The following NUDC variants were observed in gnomAD, a reference collection of about 807,000 sequenced individuals.
The protein encoded by NUDC is nuclear distribution C, dynein complex regulator.
Under a neutral mutation model 45.0 loss-of-function variants are expected in NUDC, and 14 were observed. The observed-to-expected ratio is 0.31, with a 90% confidence interval of 0.21 to 0.49. NUDC has a LOEUF of 0.49. NUDC is among the 20% of genes least tolerant of loss of function. NUDC has a pLI of 0.99. For synonymous variants in NUDC, 153 were observed against 156.7 expected, an observed-to-expected ratio of 0.98 and a Z score of 0.17; for missense variants, 323 against 426.2, an observed-to-expected ratio of 0.76 and a Z score of 2.13.
chr1:26,920,823 A>C (rs2082086825), upstream of NUDC, among the ~76,000 whole-genome samples: 1 of 151,458 alleles, frequency 6.6e-6, no homozygotes, highest in Admixed American at 6.6e-5. Flanking sequence ...CTGTAGTCCC[A>C]GCTACTCTGG....
Position 26,945,696 on chromosome 1 carries a change from T to A in NUDC, c.944+10T>A, listed in dbSNP as rs867824899. 4 of 1,605,702 alleles carry A rather than the reference T, an allele frequency of 2.5e-6. No individual in the cohort carries two copies. Among genetic ancestry groups the A allele is most frequent in the Middle Eastern group, 1.8e-4 (1 of 5,690 alleles). ...AGGAGATTCTGAAGAAGTGAGCAAT[T>A]CAGAGACGGGGTTGGGGGACCGTGG... On this transcript the variant is annotated intron_variant, in intron 8 of 8. Transcript: ENST00000321265.
Position 26,921,776 on chromosome 1 carries a change from G to T in NUDC, c.-73G>T, listed in dbSNP as rs560634289. The T allele has an allele frequency of 1.3e-6, 2 of 1,491,174 alleles. No homozygotes were observed. Among genetic ancestry groups the T allele is most frequent in the African/African-American group, 1.4e-5 (1 of 71,782 alleles). The allele number at this position is 1,491,174 out of a possible 1,614,324, so 92.4% of individuals were successfully genotyped here. A position where few individuals can be genotyped will look rare whatever the true frequency, so the allele number is the denominator to read the frequency against. On this transcript the variant is annotated 5_prime_UTR_variant, in exon 1 of 9. Transcript: ENST00000321265. ...CGGACGACTAGAGTCGTTGGGCCCG[G>T]CGCGACCCGCAGGAGCGTAGAGAGC...
chr1:26,915,058 C>CAT (rs67296768), intron 3 of NUDC, among the ~76,000 whole-genome samples: 5,137 of 140,458 alleles, frequency 0.037, 201 homozygotes, highest in African/African-American at 0.09. Flanking sequence ...TACATACATA[C>CAT]ATATATATAT....
upstream of NUDC, among the ~76,000 whole-genome samples, chr1:26,919,332 G>C (rs998308066): frequency 1.3e-5 from 2 of 152,060 alleles, no homozygotes. Context: ...TGCCATGTTG[G>C]TGTGCTGCAC....
At chr1:26,904,733 G>C (rs1202279314) in intron 2 of NUDC, among the ~76,000 whole-genome samples, 3 of 152,150 alleles carry the variant, frequency 2.0e-5, no homozygotes, top group Non-Finnish European at 4.4e-5. Flanking sequence ...ACCTCTACAG[G>C]AGAGTGAGAG....
chr1:26,903,216 T>C (rs1334519227), intron 2 of NUDC, among the ~76,000 whole-genome samples: 1 of 152,180 alleles, frequency 6.6e-6, no homozygotes, highest in East Asian at 1.9e-4. Flanking sequence ...CAGAATTGTT[T>C]TATTTATGCA....
In NUDC at chr1:26,901,700, C is replaced by T. The variant is rs189391735; in HGVS notation, c.-100-582C>T. Among the ~76,000 whole-genome samples the T allele has an allele frequency of 1.2e-4, 18 of 152,176 alleles. No homozygotes were observed. In the East Asian group the frequency reaches 3.5e-3, roughly 29 times the overall value. ...GATTACAGATGTAAGCCACCGCACC[C>T]GGCCCTCTTTGTACGTTTTTTAATT... On this transcript the variant is annotated intron_variant, in intron 1 of 6. Coordinates refer to the NUDC transcript ENST00000435827.
intron 2 of NUDC, among the ~76,000 whole-genome samples, chr1:26,938,150 T>C (rs1005479255): frequency 2.6e-5 from 4 of 152,276 alleles, no homozygotes; most frequent in African/African-American, 9.6e-5. Flanking sequence ...TGACCGAAGC[T>C]TGAGTCGGTG....
intron 6 of NUDC, chr1:26,945,104 G>C (rs1339662953): frequency 3.7e-6 from 2 of 536,878 alleles, no homozygotes; most frequent in Admixed American, 6.2e-5. Flanking sequence ...TGTGTCTTAA[G>C]ACTCAGCCCG....
chr1:26,945,748 C>CAGCAGTG, intron 8 of NUDC, 62 bp downstream of exon 8: 3 of 1,176,430 alleles, frequency 2.6e-6, no homozygotes, highest in Non-Finnish European at 3.8e-6. Context: ...ACTTCGGTGA[C>CAGCAGTG]AGCAGTGAGT....
chr1:26,917,045 G>A (rs925293979), upstream of NUDC, among the ~76,000 whole-genome samples: 6 of 152,142 alleles, frequency 3.9e-5, no homozygotes, highest in Non-Finnish European at 7.3e-5. Flanking sequence ...ATCACCTGAG[G>A]TCAGGAGTTC....
intron 3 of NUDC, among the ~76,000 whole-genome samples, chr1:26,915,516 T>G (rs1019980988): frequency 3.3e-5 from 5 of 152,212 alleles, no homozygotes; most frequent in Non-Finnish European, 5.9e-5. Flanking sequence ...CAGTCCAGTG[T>G]GGCAAGCCTT....
chr1:26,925,263 G>A (rs2082121786), intron 2 of NUDC, among the ~76,000 whole-genome samples: 1 of 151,326 alleles, frequency 6.6e-6, no homozygotes. Flanking sequence ...TTAGAAGGCC[G>A]GGCGCGGTGG....
Position 26,905,624 on chromosome 1 carries a change from C to T in NUDC, c.-16+3258C>T, listed in dbSNP as rs184414642. Among the ~76,000 whole-genome samples the T allele has an allele frequency of 6.3e-3, 954 of 150,618 alleles. 44 individuals are homozygous for T. The highest frequency in any genetic ancestry group is 0.063 in the Admixed American group (908 of 14,390). ...TTTGAAAAGTATATTTATTCAGGTC[C>T]GTTGCAGCCCCGAGTTCCCAGTCTC... On this transcript the variant is annotated intron_variant, in intron 2 of 6. Transcript: ENST00000435827.
chr1:26,925,424 C>G (rs1298632417), intron 2 of NUDC, among the ~76,000 whole-genome samples: 2 of 148,578 alleles, frequency 1.3e-5, no homozygotes, highest in Non-Finnish European at 3.0e-5. Flanking sequence ...CCTGTAGTCC[C>G]GGCTACTCTG....
At chr1:26,903,903 CG>C (rs1023910489) in intron 2 of NUDC, among the ~76,000 whole-genome samples, 17 of 150,694 alleles carry the variant, frequency 1.1e-4, no homozygotes, top group Non-Finnish European at 1.9e-4. Flanking sequence ...CCCAGCTACT[CG>C]GGAGGCTGAG....
chr1:26,941,436 TG>T lies in NUDC; in HGVS notation c.160-19del, dbSNP rs776154815. On this transcript the variant is annotated intron_variant, in intron 2 of 8. Transcript: ENST00000321265. ...CACTGTCCCCTGCTCTGATGCCTCATGGCCTTTCTTCCCTCTCCAGCTTATC... is the reference window on the plus strand; with the variant it reads ...CACTGTCCCCTGCTCTGATGCCTCATGCCTTTCTTCCCTCTCCAGCTTATC... 2 of 1,611,636 alleles carry T rather than the reference TG, an allele frequency of 1.2e-6. No homozygotes were observed. Among genetic ancestry groups the T allele is most frequent in the African/African-American group, 2.7e-5 (2 of 74,914 alleles).
rs2082093390 is a variant in NUDC, at chr1:26,921,814, T to C, written c.-35T>C. 1 of 1,546,790 alleles carries C rather than the reference T, an allele frequency of 6.5e-7. No individual in the cohort carries two copies. The highest frequency in any genetic ancestry group is 2.0e-5 in the Admixed American group (1 of 50,968). On this transcript the variant is annotated 5_prime_UTR_variant, in exon 1 of 9. Coordinates refer to ENST00000321265, the MANE Select transcript of NUDC (RefSeq NM_006600.4). ...GAGCGTAGAGAGCGCGGGACTAGAG[T>C]GCAGAGCTCCGGGACGTGGATCGGA... is the stretch of plus-strand genomic sequence containing the variant.
chr1:26,933,467 G>A (rs1445968134), intron 2 of NUDC, among the ~76,000 whole-genome samples: 4 of 152,020 alleles, frequency 2.6e-5, no homozygotes, highest in Non-Finnish European at 4.4e-5. Flanking sequence ...AGGCTGGAGT[G>A]CAATGATGCA....
Sources: allele counts gnomAD v4.1 joint callset (sites outside exome capture counted in the v4.1 genomes callset), GRCh38; gene constraint gnomAD v4.1.1; transcripts MANE v1.5; gene names NCBI Gene and HGNC (gene_info 2026-07-23, HGNC 2026-07-21).